ZFHX3: variants seen among roughly 807,000 people sequenced by gnomAD.
ZFHX3 encodes the protein zinc finger homeobox 3, also known as zinc finger homeobox protein 3.
Under a neutral mutation model 279.1 loss-of-function variants are expected in ZFHX3, and 42 were observed. The ratio of observed to expected loss-of-function variants is 0.15; its 90% CI spans 0.12 to 0.19. The LOEUF is 0.19. Ranked by LOEUF, ZFHX3 falls within the 10% of genes least tolerant of loss-of-function variation. The probability of loss-of-function intolerance (pLI) is 1.00; values close to 1 mark genes in which losing one functional copy is unlikely to be tolerated. For missense variants in ZFHX3, 4,981 were observed against 4,754.0 expected, an observed-to-expected ratio of 1.05 and a Z score of -1.40; for synonymous variants, 2,293 against 1,957.8, an observed-to-expected ratio of 1.17 and a Z score of -4.52.
At chr16:73,436,874 C>A (rs926392375) in intron 3 of ZFHX3, among the ~76,000 whole-genome samples, 8 of 152,154 alleles carry the variant, frequency 5.3e-5, no homozygotes, top group Non-Finnish European at 1.2e-4. Flanking sequence ...AGGCATAGAG[C>A]TTCCCAAGAC....
intron 1 of ZFHX3, among the ~76,000 whole-genome samples, chr16:73,683,171 T>C (rs759070225): frequency 2.0e-5 from 3 of 152,194 alleles, no homozygotes; most frequent in Non-Finnish European, 4.4e-5. Flanking sequence ...TAGTTCTATT[T>C]AAAAACCATC....
chr16:73,672,488 A>G (rs1167777932), intron 2 of ZFHX3, among the ~76,000 whole-genome samples: 1 of 152,164 alleles, frequency 6.6e-6, no homozygotes, highest in Non-Finnish European at 1.5e-5. Flanking sequence ...ATATTTAAGC[A>G]TTTTTGGGCC....
chr16:73,783,109 A>T (rs1202009109), intron 1 of ZFHX3, among the ~76,000 whole-genome samples: 1 of 152,192 alleles, frequency 6.6e-6, no homozygotes, highest in East Asian at 1.9e-4. Context: ...TAAGGCACTT[A>T]TTCTCCAGCT....
chr16:73,767,830 G>A (rs1156435179), intron 1 of ZFHX3, among the ~76,000 whole-genome samples: 1 of 152,138 alleles, frequency 6.6e-6, no homozygotes, highest in African/African-American at 2.4e-5. Flanking sequence ...GTACCCATTT[G>A]TACCAGTCAG....
chr16:73,249,924 A>G (rs1448691073), intron 5 of ZFHX3, among the ~76,000 whole-genome samples: 1 of 152,040 alleles, frequency 6.6e-6, no homozygotes, highest in Non-Finnish European at 1.5e-5. Flanking sequence ...TCCCGCAACT[A>G]CCACCTTGGC....
At chr16:73,375,694 A>C (rs1157605317) in intron 3 of ZFHX3, among the ~76,000 whole-genome samples, 3 of 152,196 alleles carry the variant, frequency 2.0e-5, no homozygotes, top group Non-Finnish European at 4.4e-5. Context: ...CATGCTAAAA[A>C]ATCTCAATTA....
In ZFHX3 at chr16:72,957,765, G is replaced by A. The variant is rs760236892; in HGVS notation, c.2381C>T (p.Ser794Leu). The A allele has an allele frequency of 6.8e-6, 11 of 1,614,084 alleles. No individual in the cohort carries two copies. Among genetic ancestry groups the A allele is most frequent in the Non-Finnish European group, 7.6e-6 (9 of 1,180,024 alleles). The change falls in exon 2 of 10, where the codon TCG becomes TTG. Residue 794 changes from serine to leucine, a missense_variant. Coordinates refer to ENST00000268489, the MANE Select transcript of ZFHX3 (RefSeq NM_006885.4). ...GGGTTTGGTTTTTGGTTTGGTCGGCGAGGGGGCCCCGCAGGAGCTACTGAT... is the reference window on the plus strand; with the variant it reads ...GGGTTTGGTTTTTGGTTTGGTCGGCAAGGGGGCCCCGCAGGAGCTACTGAT... ...ANISSSCGAP[S>L]PTKPKTKPTW...
At chr16:73,322,660 A>G (rs1364992799) in intron 3 of ZFHX3, among the ~76,000 whole-genome samples, 1 of 152,218 alleles carries the variant, frequency 6.6e-6, no homozygotes, top group Non-Finnish European at 1.5e-5. Flanking sequence ...GGTGAGAGCT[A>G]TGCTGGGTGA....
At chr16:73,779,711 A>G (rs1329877155) in intron 1 of ZFHX3, among the ~76,000 whole-genome samples, 1 of 152,178 alleles carries the variant, frequency 6.6e-6, no homozygotes, top group Non-Finnish European at 1.5e-5. Flanking sequence ...TTGATGAAAC[A>G]GTAATCCCAA....
chr16:73,815,931 T>A (rs1960558535), intron 1 of ZFHX3: 1 of 152,148 alleles, frequency 6.6e-6, no homozygotes, highest in East Asian at 1.9e-4. Context: ...ACGATGAAGA[T>A]GACATCATCA....
intron 8 of ZFHX3, among the ~76,000 whole-genome samples, chr16:73,090,603 A>G (rs889188337): frequency 2.0e-5 from 3 of 150,548 alleles, no homozygotes; most frequent in African/African-American, 7.3e-5. Flanking sequence ...GAAGCAGTAA[A>G]GGGTGGGGCG....
intron 1 of ZFHX3, among the ~76,000 whole-genome samples, chr16:73,703,500 A>C (rs1387561125): frequency 1.3e-5 from 2 of 152,258 alleles, no homozygotes; most frequent in East Asian, 3.9e-4. Flanking sequence ...GCCAAAAAAA[A>C]AAAATTGATG....
chr16:73,020,456 T>G (rs750843251), intron 1 of ZFHX3, among the ~76,000 whole-genome samples: 3 of 152,084 alleles, frequency 2.0e-5, no homozygotes, highest in Non-Finnish European at 4.4e-5. Context: ...CCACACAGAG[T>G]GTAAGGGCCA....
Position 73,029,297 on chromosome 16 carries a change from C to T in ZFHX3, c.-50+18455G>A, listed in dbSNP as rs565701059. Among the ~76,000 whole-genome samples, 9 of 152,230 alleles carry T rather than the reference C, an allele frequency of 5.9e-5. No individual in the cohort carries two copies. In the South Asian group the frequency reaches 1.9e-3, roughly 32 times the overall value. On this transcript the variant is annotated intron_variant, in intron 1 of 9. Transcript: ENST00000268489. ...TTTCCCACATTTCCTCACCTGGGTT[C>T]GCCATCACCTTCAGCCTCTTGACAG... is the stretch of plus-strand genomic sequence containing the variant.
At chr16:72,801,056 A>G (rs1383633401) in intron 7 of ZFHX3, among the ~76,000 whole-genome samples, 1 of 152,224 alleles carries the variant, frequency 6.6e-6, no homozygotes, top group Non-Finnish European at 1.5e-5. Flanking sequence ...TCGATATCCA[A>G]TGGAAAGATC....
At chr16:72,892,754 C>G (rs1360823715) in intron 3 of ZFHX3, among the ~76,000 whole-genome samples, 1 of 152,148 alleles carries the variant, frequency 6.6e-6, no homozygotes, top group South Asian at 2.1e-4. Context: ...GCGATCCACC[C>G]GCCTCAGTCT....
intron 1 of ZFHX3, among the ~76,000 whole-genome samples, chr16:73,704,727 G>T (rs974827914): frequency 1.3e-5 from 2 of 152,200 alleles, no homozygotes; most frequent in Non-Finnish European, 2.9e-5. Context: ...GTGGGAGAGT[G>T]AGCCAGAGGA....
intron 1 of ZFHX3, among the ~76,000 whole-genome samples, chr16:73,703,493 A>G (rs1016349487): frequency 6.4e-5 from 8 of 124,488 alleles, no homozygotes; most frequent in African/African-American, 2.7e-4. Flanking sequence ...AGAGAAAGCC[A>G]AAAAAAAAAA....
At chr16:73,174,351 C>T (rs572719502) in intron 5 of ZFHX3, among the ~76,000 whole-genome samples, 10 of 152,192 alleles carry the variant, frequency 6.6e-5, no homozygotes, top group South Asian at 4.2e-4. Flanking sequence ...ATGCAGGCAA[C>T]GGGCATTTAA....
Sources: gnomAD v4.1 joint callset for allele counts (sites outside exome capture counted in the v4.1 genomes callset) on GRCh38, gnomAD v4.1.1 for gene constraint, MANE v1.5 for transcripts, NCBI Gene and HGNC (gene_info 2026-07-23, HGNC 2026-07-21) for gene names.